The following RNF175 variants were observed in gnomAD, a reference collection of about 807,000 sequenced individuals.
The protein encoded by RNF175 is ring finger protein 175.
In RNF175, 38 loss-of-function variants were observed where a neutral mutation model predicts 50.0. The observed-to-expected ratio is 0.76, with a 90% CI of 0.59 to 1.00. The LOEUF (loss-of-function observed/expected upper bound fraction) is 1.00, where lower values mean the gene tolerates loss of function less well. Ranked by LOEUF, RNF175 falls within the 50% of genes least tolerant of loss-of-function variation. The pLI is 0.00. For missense variants in RNF175, 388 were observed against 409.6 expected (o/e 0.95, Z 0.46); for synonymous variants, 155 against 146.1 (o/e 1.06, Z -0.44).
intron 3 of RNF175, among the ~76,000 whole-genome samples, chr4:153,737,794 T>A (rs1029311681): frequency 1.3e-5 from 2 of 152,200 alleles, no homozygotes. Flanking sequence ...GATGAAGTAT[T>A]CTATAAATAT....
chr4:153,728,191 T>C lies in RNF175; in HGVS notation c.401+16A>G. ...AATAAAGGGGCTCCTGGGGAAGGAA[T>C]GTATGGAATACATACCGTGGTGTCC... On this transcript the variant is annotated intron_variant, in intron 4 of 8. Transcript: ENST00000347063. The C allele has an allele frequency of 6.4e-7, 1 of 1,567,778 alleles. No individual in the cohort carries two copies. The highest frequency in any genetic ancestry group is 8.6e-7 in the Non-Finnish European group (1 of 1,158,312).
chr4:153,722,969 A>T (rs1241511478), intron 5 of RNF175, among the ~76,000 whole-genome samples: 1 of 152,198 alleles, frequency 6.6e-6, no homozygotes, highest in East Asian at 1.9e-4. Flanking sequence ...TATACTGGAC[A>T]ACATAATTCT....
chr4:153,710,177 A>C lies in RNF175; in HGVS notation c.*192T>G, dbSNP rs1408495760. ...AACAGCTGTAATGGGAAAGATGAAA[A>C]AACATGCTTTATTTGTTTATTCCAT... On this transcript the variant is annotated 3_prime_UTR_variant, in exon 9 of 9. Transcript: ENST00000347063. The C allele has an allele frequency of 2.1e-6, 1 of 482,504 alleles. No individual in the cohort carries two copies. The highest frequency in any genetic ancestry group is 1.9e-5 in the African/African-American group (1 of 51,748). The allele number at this position is 482,504 out of a possible 1,614,324, so 29.9% of individuals were successfully genotyped here. A position where few individuals can be genotyped will look rare whatever the true frequency, so the allele number is the denominator to read the frequency against.
chr4:153,751,347 A>T (rs1740280380), intron 2 of RNF175, 91 bp downstream of exon 2: 1 of 960,266 alleles, frequency 1.0e-6, no homozygotes, highest in South Asian at 1.5e-5. Flanking sequence ...AAAATTTACA[A>T]ATAAAATGAT....
chr4:153,727,167 T>G lies in RNF175; in HGVS notation c.401+1040A>C, dbSNP rs963408769. On this transcript the variant is annotated intron_variant, in intron 4 of 8. Transcript: ENST00000347063. ...GCACTTTCACAAATCTTAAATAACTTAGAATATTTTCTAAGGAGAAAGGTA... is the reference window on the plus strand; with the variant it reads ...GCACTTTCACAAATCTTAAATAACTGAGAATATTTTCTAAGGAGAAAGGTA... 2.0e-5 allele frequency among the ~76,000 whole-genome samples: 3 copies of G among 152,154 alleles called. No individual in the cohort carries two copies. The South Asian group carries it at 6.2e-4, about 32-fold the overall frequency.
intron 3 of RNF175, among the ~76,000 whole-genome samples, chr4:153,740,239 A>T (rs897758902): frequency 2.3e-4 from 35 of 151,924 alleles, no homozygotes; most frequent in African/African-American, 7.7e-4. Flanking sequence ...TACATTACCC[A>T]TCTATACTTG....
At chr4:153,710,569 A>AATAT in intron 8 of RNF175, 80 bp from the exon 9 acceptor site, 1 of 1,353,570 alleles carries the variant, frequency 7.4e-7, no homozygotes, top group Non-Finnish European at 1.0e-6. Flanking sequence ...AAATATAATA[A>AATAT]ACAATGTAAT....
chr4:153,759,748 C>T, intron 1 of RNF175, 49 bp downstream of exon 1: 2 of 1,297,212 alleles, frequency 1.5e-6, no homozygotes, highest in Non-Finnish European at 2.1e-6. Flanking sequence ...AGCGTGAGCC[C>T]CGGGACCCCG....
Position 153,728,207 on chromosome 4 carries a change from C to G in RNF175, c.401G>C (p.Arg134Pro), listed in dbSNP as rs137898830. ...TRKPLSGRTP[R>P]LVYKWFLLIY... ...GGGAAGGAATGTATGGAATACATACCGTGGTGTCCTTCCTGAGAGGGGTTT... is the reference window on the plus strand; with the variant it reads ...GGGAAGGAATGTATGGAATACATACGGTGGTGTCCTTCCTGAGAGGGGTTT... Residue 134 changes from arginine to proline, a missense_variant and splice_region_variant, in exon 4 of 9, where the codon CGA becomes CCA. Transcript: ENST00000347063. 2 of 1,609,956 alleles carry G rather than the reference C, an allele frequency of 1.2e-6. No individual in the cohort carries two copies. Among genetic ancestry groups the G allele is most frequent in the Admixed American group, 3.4e-5 (2 of 59,630 alleles).
chr4:153,724,099 C>T (rs1274374520), intron 4 of RNF175, among the ~76,000 whole-genome samples: 1 of 152,166 alleles, frequency 6.6e-6, no homozygotes, highest in Admixed American at 6.5e-5. Context: ...TGTGACCTTC[C>T]AAGGCCTTTC....
chr4:153,747,741 G>A (rs1740053011), intron 3 of RNF175, among the ~76,000 whole-genome samples: 1 of 152,176 alleles, frequency 6.6e-6, no homozygotes, highest in Non-Finnish European at 1.5e-5. Context: ...TCCAGCCTCT[G>A]CCCAATTACA....
intron 1 of RNF175, among the ~76,000 whole-genome samples, chr4:153,752,598 T>A (rs184867518): frequency 6.6e-6 from 1 of 152,212 alleles, no homozygotes; most frequent in African/African-American, 2.4e-5. Context: ...AAAACATGGG[T>A]AAACATGTTT....
intron 5 of RNF175, among the ~76,000 whole-genome samples, chr4:153,720,884 T>C (rs1460328546): frequency 6.6e-6 from 1 of 152,228 alleles, no homozygotes. Context: ...CTGTAGAATT[T>C]AGATTTTTAT....
At chr4:153,743,012 G>A (rs1356917452) in intron 3 of RNF175, among the ~76,000 whole-genome samples, 1 of 152,118 alleles carries the variant, frequency 6.6e-6, no homozygotes, top group Non-Finnish European at 1.5e-5. Flanking sequence ...ACAATTAAAA[G>A]CTAGCTTCTC....
chr4:153,712,671 G>T, intron 7 of RNF175, 95 bp from the exon 8 acceptor site: 1 of 811,028 alleles, frequency 1.2e-6, no homozygotes. Context: ...TCTAGTGGTG[G>T]AGTCATGACT....
chr4:153,748,862 A>C, intron 2 of RNF175, 76 bp from the exon 3 acceptor site: 1 of 1,383,904 alleles, frequency 7.2e-7, no homozygotes, highest in Non-Finnish European at 9.7e-7. Flanking sequence ...AAAAACAAAA[A>C]ACAAAAAAAC....
chr4:153,734,013 C>G (rs1175629716), intron 3 of RNF175, among the ~76,000 whole-genome samples: 1 of 152,138 alleles, frequency 6.6e-6, no homozygotes, highest in Non-Finnish European at 1.5e-5. Context: ...CAAAGTTCAT[C>G]CATGTTTTTT....
chr4:153,711,529 T>C (rs1184202401), intron 8 of RNF175, among the ~76,000 whole-genome samples: 1 of 152,138 alleles, frequency 6.6e-6, no homozygotes. Flanking sequence ...ACGTATAGGG[T>C]TGGTGAGGAA....
rs189253741 is a variant in RNF175 at position 153,729,667 on chromosome 4, G to A, written c.247-1306C>T. 238 of 985,056 alleles carry A rather than the reference G, an allele frequency of 2.4e-4. No individual in the cohort carries two copies. The African/African-American group carries it at 3.9e-3, about 16-fold the overall frequency. The allele number at this position is 985,056 out of a possible 1,614,324, so 61.0% of individuals were successfully genotyped here. A position where few individuals can be genotyped will look rare whatever the true frequency, so the allele number is the denominator to read the frequency against. ...ATGTCAGATAAGAAGACATTTCCCA[G>A]GCTCACCATTCTCCTTTGATTGCTC... On this transcript the variant is annotated intron_variant, in intron 3 of 8. Coordinates refer to ENST00000347063, the MANE Select transcript of RNF175 (RefSeq NM_173662.4).
Sources: allele counts gnomAD v4.1 joint callset (sites outside exome capture counted in the v4.1 genomes callset), GRCh38; gene constraint gnomAD v4.1.1; transcripts MANE v1.5; gene names NCBI Gene and HGNC (gene_info 2026-07-23, HGNC 2026-07-21).